KRT2: variants seen among roughly 807,000 people sequenced by gnomAD.
KRT2 encodes keratin, type II cytoskeletal 2 epidermal.
KRT2 carries 37 observed loss-of-function variants against 48.5 expected under a neutral mutation model. That is an observed-to-expected ratio of 0.76 (90% CI 0.59 to 1.00). The LOEUF (loss-of-function observed/expected upper bound fraction) is 1.00, where lower values mean the gene tolerates loss of function less well. Among genes scored for constraint, KRT2 ranks in the 50% least tolerant of loss-of-function variants. The probability of loss-of-function intolerance (pLI) is 0.00; values close to 1 mark genes in which losing one functional copy is unlikely to be tolerated. For synonymous variants in KRT2, 324 were observed against 312.2 expected (o/e 1.04, Z -0.40); for missense variants, 880 against 815.2 (o/e 1.08, Z -0.97).
At chr12:52,651,151 A>G (rs936964925) in intron 1 of KRT2, among the ~76,000 whole-genome samples, 2 of 152,224 alleles carry the variant, frequency 1.3e-5, no homozygotes, top group Non-Finnish European at 2.9e-5. Flanking sequence ...TCCCAAGCAG[A>G]TATTTCAGGT....
chr12:52,651,819 G>GAAGCCGCTGCCACCTCCA lies in KRT2; in HGVS notation c.306_323dup (p.Gly103_Phe108dup), dbSNP rs763805940. On this transcript the variant is annotated inframe_insertion, in exon 1 of 9. Coordinates refer to ENST00000309680, the MANE Select transcript of KRT2 (RefSeq NM_000423.3). ...CGCCTCCACCGAAACCACCACCACT[G>GAAGCCGCTGCCACCTCCA]AAGCCGCTGCCACCTCCAAAGCTGC... is the stretch of plus-strand genomic sequence containing the variant. The GAAGCCGCTGCCACCTCCA allele has an allele frequency of 1.2e-4, 136 of 1,160,998 alleles. No homozygotes were observed. The highest frequency in any genetic ancestry group is 4.0e-4 in the Middle Eastern group (2 of 5,028). 71.9% of individuals were successfully genotyped at this position (1,160,998 alleles called of 1,614,324 possible). A position where few individuals can be genotyped will look rare whatever the true frequency, so the allele number is the denominator to read the frequency against.
At chr12:52,651,313 TA>T (rs2120954517) in intron 1 of KRT2, among the ~76,000 whole-genome samples, 1 of 152,332 alleles carries the variant, frequency 6.6e-6, no homozygotes, top group East Asian at 1.9e-4. Context: ...GAATTTTCCA[TA>T]AATATTATTT....
chr12:52,650,535 G>T lies in KRT2; in HGVS notation c.604C>A (p.Gln202Lys). 1.2e-6 allele frequency: 2 copies of T among 1,612,388 alleles called. No homozygotes were observed. Among genetic ancestry groups the T allele is most frequent in the Non-Finnish European group, 1.7e-6 (2 of 1,179,834 alleles). The change falls in exon 2 of 9, where the codon CAG (glutamine) becomes AAG (lysine). Residue 202 changes from glutamine (Q) to lysine (K), a missense_variant. Transcript: ENST00000309680. ...CATTTGGTCTGTAACACCTGGTTCTGCTGCTCCAAGAACCGCACCTGCCAT... is the reference window on the plus strand; with the variant it reads ...CATTTGGTCTGTAACACCTGGTTCTTCTGCTCCAAGAACCGCACCTGCCAT... ...FIDKVRFLEQ[Q>K]NQVLQTKWEL...
chr12:52,646,965 G>A lies in KRT2; in HGVS notation c.1249-5C>T. 1 of 1,612,256 alleles carries A rather than the reference G, an allele frequency of 6.2e-7. No individual in the cohort carries two copies. The highest frequency in any genetic ancestry group is 8.5e-7 in the Non-Finnish European group (1 of 1,178,512). ...GGCATCTTGCACATTCTTACACTATGACAGAAGGACAGAGAATGGATTCTG... is the reference window on the plus strand; with the variant it reads ...GGCATCTTGCACATTCTTACACTATAACAGAAGGACAGAGAATGGATTCTG... On this transcript the variant is annotated splice_region_variant and splice_polypyrimidine_tract_variant and intron_variant, in intron 6 of 8. Coordinates refer to ENST00000309680, the MANE Select transcript of KRT2 (RefSeq NM_000423.3).
chr12:52,645,221 T>C lies in KRT2; in HGVS notation c.1718A>G (p.Tyr573Cys). 1 of 1,613,262 alleles carries C rather than the reference T, an allele frequency of 6.2e-7. No homozygotes were observed. The highest frequency in any genetic ancestry group is 8.5e-7 in the Non-Finnish European group (1 of 1,179,810). ...TCCCTTAGAGCCACCACCAGATCCG[T>C]ATCTTCCTCCAGAACCACCGCCAGA... Reference protein sequence around the residue: ...YGSGGGSGGRYGSGGGSKGGS... With the variant: ...YGSGGGSGGRCGSGGGSKGGS... Residue 573 changes from tyrosine (Y) to cysteine (C), a missense_variant, in exon 9 of 9, where the codon TAC becomes TGC. Coordinates refer to ENST00000309680, the MANE Select transcript of KRT2 (RefSeq NM_000423.3).
rs1941258978 is a variant in KRT2, at chr12:52,651,923, T to C, written c.220A>G (p.Ile74Val). The C allele has an allele frequency of 6.2e-7, 1 of 1,613,374 alleles. No homozygotes were observed. Among genetic ancestry groups the C allele is most frequent in the African/African-American group, 1.3e-5 (1 of 74,732 alleles). Reference protein sequence around the residue: ...VGLGGTKSISISVAGGGGGFG... With the variant: ...VGLGGTKSISVSVAGGGGGFG... ...CCACCACCTCCTCCAGCCACACTAA[T>C]GGAGATGCTCTTGGTCCCTCCAAGG... is the stretch of plus-strand genomic sequence containing the variant. Residue 74 changes from isoleucine (I) to valine (V), a missense_variant, in exon 1 of 9, where the codon ATT becomes GTT. Transcript: ENST00000309680.
At chr12:52,645,698 A>G in intron 7 of KRT2, 129 bp from the exon 8 acceptor site, 1 of 852,560 alleles carries the variant, frequency 1.2e-6, no homozygotes. Context: ...TACACACCCC[A>G]CTTTCTTCTA....
intron 6 of KRT2, 47 bp from the exon 7 acceptor site, chr12:52,647,007 A>G: frequency 6.4e-7 from 1 of 1,563,506 alleles, no homozygotes; most frequent in Non-Finnish European, 8.8e-7. Flanking sequence ...GGAGGCGGAC[A>G]GAGAGCAGAG....
chr12:52,651,795 G>A lies in KRT2; in HGVS notation c.348C>T (p.Gly116=), dbSNP rs145263416. The change falls in exon 1 of 9, where the codon GGC becomes GGT. Residue 116 remains glycine, a synonymous_variant. Transcript: ENST00000309680. ...CTCCAAAGCGGCCTCCACCAAAGCC[G>A]CCTCCACCGAAACCACCACCACTGA... ...SGFSGGGFGG[G]GFGGGRFGGF... The A allele has an allele frequency of 6.6e-4, 1,032 of 1,555,820 alleles. 1 individual carries two copies. The highest frequency in any genetic ancestry group is 5.7e-4 in the Non-Finnish European group (647 of 1,139,424).
At chr12:52,647,187 C>T (rs1353344816) in intron 6 of KRT2, among the ~76,000 whole-genome samples, 2 of 152,184 alleles carry the variant, frequency 1.3e-5, no homozygotes, top group Non-Finnish European at 2.9e-5. Flanking sequence ...CTTTGATCCT[C>T]ACATCACAGG....
chr12:52,646,646 A>G, intron 7 of KRT2, 94 bp downstream of exon 7: 1 of 1,416,066 alleles, frequency 7.1e-7, no homozygotes, highest in Non-Finnish European at 9.9e-7. Context: ...GGCCTGCCCC[A>G]TTCTCTGCTT....
Position 52,651,898 on chromosome 12 carries a change from C to A in KRT2, c.245G>T (p.Gly82Val). The change falls in exon 1 of 9, where the codon GGC becomes GTC. Residue 82 changes from glycine (G) to valine (V), a missense_variant. Gly to Val is a moderately radical substitution (Grantham distance 109). Transcript: ENST00000309680. ...ISISVAGGGG[G>V]FGAAGGFGGR... ...ACCAAATCCACCAGCGGCGCCAAAG[C>A]CACCACCTCCTCCAGCCACACTAAT... The A allele has an allele frequency of 6.2e-7, 1 of 1,610,738 alleles. No individual in the cohort carries two copies. Among genetic ancestry groups the A allele is most frequent in the Non-Finnish European group, 8.5e-7 (1 of 1,177,962 alleles).
At chr12:52,645,979 G>A (rs1256779142) in intron 7 of KRT2, among the ~76,000 whole-genome samples, 1 of 152,164 alleles carries the variant, frequency 6.6e-6, no homozygotes, top group African/African-American at 2.4e-5. Context: ...TGACTCTGTA[G>A]AGCCTCCCCA....
rs375327233 is a variant in KRT2, at chr12:52,652,042, C to T, written c.101G>A (p.Arg34Gln). Residue 34 changes from arginine (R) to glutamine (Q), a missense_variant, in exon 1 of 9, where the codon CGG becomes CAG. Physicochemically the swap from Arg to Gln is conservative, Grantham distance 43. Transcript: ENST00000309680. ...SGSAVVSGGS[R>Q]RSTSSFSCLS... is the part of the protein sequence containing the mutation. ...GCAGGAGAAGCTGGAAGTTGATCTC[C>T]GGCTTCCACCAGACACCACAGCTGA... is the stretch of plus-strand genomic sequence containing the variant. The T allele has an allele frequency of 6.8e-5, 109 of 1,605,734 alleles. No individual in the cohort carries two copies. Among genetic ancestry groups the T allele is most frequent in the East Asian group, 6.2e-4 (28 of 44,880 alleles).
chr12:52,651,428 G>A lies in KRT2; in HGVS notation c.585+130C>T, dbSNP rs569049067. The A allele has an allele frequency of 4.9e-5, 38 of 774,518 alleles. No homozygotes were observed. In the Middle Eastern group the frequency reaches 1.7e-3, roughly 34 times the overall value. The allele number at this position is 774,518 out of a possible 1,614,324, so 48.0% of individuals were successfully genotyped here. A position where few individuals can be genotyped will look rare whatever the true frequency, so the allele number is the denominator to read the frequency against. On this transcript the variant is annotated intron_variant, in intron 1 of 8. Transcript: ENST00000309680. ...CTGGCGTCTTTTCCATCTGGAAACC[G>A]CAAATGACCCAGGCTACTGCGGTAC...
rs765947064 is a variant in KRT2, at chr12:52,651,848, C to CGCCTCCAAAGCCGCTGCT, written c.294_295insAGCAGCGGCTTTGGAGGC (p.Gly98_Gly99insSerSerGlyPheGlyGly). 6.9e-6 allele frequency: 11 copies of CGCCTCCAAAGCCGCTGCT among 1,603,320 alleles called. No individual in the cohort carries two copies. The highest frequency in any genetic ancestry group is 9.4e-6 in the Non-Finnish European group (11 of 1,173,886). The stretch of plus-strand genomic sequence containing the variant: ...CCGCTGCCACCTCCAAAGCTGCTGC[C>CGCCTCCAAAGCCGCTGCT]GCCTCCAAAACCACCTCCTCTGCCA... On this transcript the variant is annotated inframe_insertion, in exon 1 of 9. Transcript: ENST00000309680.
chr12:52,649,893 C>A, intron 3 of KRT2, 21 bp downstream of exon 3: 1 of 1,607,042 alleles, frequency 6.2e-7, no homozygotes, highest in South Asian at 1.1e-5. Context: ...CCACCCCCAG[C>A]CAAGACATTC....
In KRT2 at chr12:52,651,836, C is replaced by T; in HGVS notation, c.307G>A (p.Gly103Arg). 3 of 1,603,202 alleles carry T rather than the reference C, an allele frequency of 1.9e-6. No homozygotes were observed. The highest frequency in any genetic ancestry group is 2.6e-6 in the Non-Finnish European group (3 of 1,173,696). Residue 103 changes from glycine (G) to arginine (R), a missense_variant, in exon 1 of 9, where the codon GGA (glycine) becomes AGA (arginine). Physicochemically the swap from Gly to Arg is moderately radical, Grantham distance 125. Transcript: ENST00000309680. ...CCACCACTGAAGCCGCTGCCACCTC[C>T]AAAGCTGCTGCCGCCTCCAAAACCA... is the stretch of plus-strand genomic sequence containing the variant. ...GGGFGGGSSF[G>R]GGSGFSGGGF...
In KRT2 at chr12:52,644,773, T is replaced by C. The variant is rs1216987984; in HGVS notation, c.*246A>G. 1.2e-5 allele frequency: 7 copies of C among 568,710 alleles called. No individual in the cohort carries two copies. Among genetic ancestry groups the C allele is most frequent in the African/African-American group, 1.1e-4 (6 of 53,140 alleles). The allele number at this position is 568,710 out of a possible 1,614,324, so 35.2% of individuals were successfully genotyped here. On this transcript the variant is annotated 3_prime_UTR_variant, in exon 9 of 9. Coordinates refer to ENST00000309680, the MANE Select transcript of KRT2 (RefSeq NM_000423.3). ...TGGTGGGGGCGGGAATGGGCATGGCTAGAAGCACAAACCTAGACAGCACAG... is the reference window on the plus strand; with the variant it reads ...TGGTGGGGGCGGGAATGGGCATGGCCAGAAGCACAAACCTAGACAGCACAG...
Sources: allele counts gnomAD v4.1 joint callset (sites outside exome capture counted in the v4.1 genomes callset), GRCh38; gene constraint gnomAD v4.1.1; transcripts MANE v1.5; gene names NCBI Gene and HGNC (gene_info 2026-07-23, HGNC 2026-07-21).